The following CDH13 variants were observed in gnomAD, a reference collection of about 807,000 sequenced individuals.
CDH13 encodes the protein cadherin-13.
In CDH13, 24 loss-of-function variants were observed where a neutral mutation model predicts 63.8. The ratio of observed to expected loss-of-function variants is 0.38; its 90% confidence interval spans 0.27 to 0.53. The LOEUF is 0.53. Among genes scored for constraint, CDH13 ranks in the 20% least tolerant of loss-of-function variants. The probability of loss-of-function intolerance (pLI) is 0.85; values close to 1 mark genes in which losing one functional copy is unlikely to be tolerated. For synonymous variants in CDH13, 503 were observed against 355.3 expected (o/e 1.42, Z -4.67); for missense variants, 1,049 against 903.1 (o/e 1.16, Z -2.07).
At chr16:83,015,190 G>C (rs1364734851) in intron 2 of CDH13, among the ~76,000 whole-genome samples, 1 of 151,662 alleles carries the variant, frequency 6.6e-6, no homozygotes, top group East Asian at 1.9e-4. Context: ...GATAGTAACA[G>C]GCTGCATCTC....
At chr16:83,380,112 T>A (rs541661677) in intron 6 of CDH13, among the ~76,000 whole-genome samples, 1 of 151,990 alleles carries the variant, frequency 6.6e-6, no homozygotes, top group Non-Finnish European at 1.5e-5. Flanking sequence ...ACATTGGTAT[T>A]CTTGCGTGAG....
intron 1 of CDH13, among the ~76,000 whole-genome samples, chr16:82,659,498 A>G (rs1177751265): frequency 6.6e-6 from 1 of 152,202 alleles, no homozygotes; most frequent in African/African-American, 2.4e-5. Flanking sequence ...AAATTGGAAC[A>G]AAAAATAACG....
intron 2 of CDH13, among the ~76,000 whole-genome samples, chr16:82,968,215 G>C (rs377750039): frequency 6.6e-6 from 1 of 152,234 alleles, no homozygotes; most frequent in African/African-American, 2.4e-5. Context: ...TCCACCGTTT[G>C]TCCAGTGGGA....
chr16:83,378,535 TG>T (rs1226899398), intron 6 of CDH13, among the ~76,000 whole-genome samples: 8 of 152,152 alleles, frequency 5.3e-5, no homozygotes, highest in African/African-American at 1.9e-4. Flanking sequence ...TACCTTCAGG[TG>T]GGATGCAACT....
At chr16:82,898,250 C>T (rs920804395) in intron 2 of CDH13, among the ~76,000 whole-genome samples, 2 of 152,230 alleles carry the variant, frequency 1.3e-5, no homozygotes, top group African/African-American at 2.4e-5. Context: ...CATGGCCGGG[C>T]GTGGTGGCTC....
At chr16:83,663,319 C>T (rs1469319404) in intron 8 of CDH13, among the ~76,000 whole-genome samples, 2 of 152,128 alleles carry the variant, frequency 1.3e-5, no homozygotes, top group African/African-American at 2.4e-5. Context: ...ATTATGCAGG[C>T]ACCCTGAGCT....
chr16:83,310,239 A>G (rs2089970153), intron 5 of CDH13, among the ~76,000 whole-genome samples: 1 of 152,172 alleles, frequency 6.6e-6, no homozygotes, highest in Non-Finnish European at 1.5e-5. Flanking sequence ...TTCCCTGTCA[A>G]ATTAGGTAAA....
At chr16:83,219,610 G>C (rs2039637766) in intron 5 of CDH13, among the ~76,000 whole-genome samples, 1 of 152,166 alleles carries the variant, frequency 6.6e-6, no homozygotes, top group South Asian at 2.1e-4. Flanking sequence ...GGTGAAGGAA[G>C]GTAAGTGAAA....
chr16:82,717,945 T>G (rs1235553357), intron 1 of CDH13, among the ~76,000 whole-genome samples: 1 of 152,174 alleles, frequency 6.6e-6, no homozygotes, highest in East Asian at 1.9e-4. Context: ...GAAAATAAGA[T>G]ACTACTGCGA....
At chr16:83,635,329 T>G (rs34634550) in intron 8 of CDH13, among the ~76,000 whole-genome samples, 2 of 129,802 alleles carry the variant, frequency 1.5e-5, no homozygotes, top group Non-Finnish European at 3.2e-5. Flanking sequence ...GCCCATTTTC[T>G]TTCTTTTTTT....
rs533281359 is a variant in CDH13, at chr16:83,112,215, G to A, written c.367-13170G>A. Among the ~76,000 whole-genome samples, 3 of 152,162 alleles carry A rather than the reference G, an allele frequency of 2.0e-5. No homozygotes were observed. In the East Asian group the frequency reaches 5.8e-4, roughly 29 times the overall value. On this transcript the variant is annotated intron_variant, in intron 3 of 13. Coordinates refer to ENST00000567109, the MANE Select transcript of CDH13 (RefSeq NM_001257.5). ...CACACATGCAACCATTGTGTATTTG[G>A]TCTATGTATCAGTTAGGGCAGGCTA...
At chr16:83,781,369 C>T (rs1052820902) in intron 12 of CDH13, among the ~76,000 whole-genome samples, 12 of 152,220 alleles carry the variant, frequency 7.9e-5, no homozygotes, top group Admixed American at 6.5e-4. Flanking sequence ...CAATAATATA[C>T]TTATCCTGCT....
intron 1 of CDH13, among the ~76,000 whole-genome samples, chr16:82,764,453 G>C (rs1176781973): frequency 6.6e-6 from 1 of 152,220 alleles, no homozygotes; most frequent in Non-Finnish European, 1.5e-5. Flanking sequence ...GTTCAGAAGA[G>C]GGAAGAGGTT....
chr16:83,671,044 C>A, intron 9 of CDH13, 72 bp downstream of exon 9: 3 of 1,332,468 alleles, frequency 2.3e-6, no homozygotes, highest in Non-Finnish European at 3.1e-6. Flanking sequence ...CTCATAGAAT[C>A]ATTGAGTTTA....
intron 4 of CDH13, among the ~76,000 whole-genome samples, chr16:83,215,844 A>C (rs563647832): frequency 2.6e-4 from 40 of 152,182 alleles, no homozygotes; most frequent in Non-Finnish European, 5.3e-4. Flanking sequence ...ATGACCTTTC[A>C]ATTGTTTTGT....
chr16:83,289,696 C>G (rs1376615215), intron 5 of CDH13, among the ~76,000 whole-genome samples: 1 of 152,058 alleles, frequency 6.6e-6, no homozygotes, highest in East Asian at 1.9e-4. Context: ...TTATCAGCTG[C>G]TTGGGCTTGG....
At chr16:83,451,462 A>G (rs1340296997) in intron 6 of CDH13, among the ~76,000 whole-genome samples, 1 of 152,192 alleles carries the variant, frequency 6.6e-6, no homozygotes, top group Non-Finnish European at 1.5e-5. Flanking sequence ...TGTGGGAGCT[A>G]CAATTCAAGA....
At chr16:83,785,897 C>G (rs1293884661) in intron 13 of CDH13, among the ~76,000 whole-genome samples, 1 of 152,122 alleles carries the variant, frequency 6.6e-6, no homozygotes, top group Non-Finnish European at 1.5e-5. Context: ...GGTACAGGCT[C>G]CTGGACATTC....
At chr16:83,503,824 T>A (rs2074338120) in intron 7 of CDH13, among the ~76,000 whole-genome samples, 1 of 152,300 alleles carries the variant, frequency 6.6e-6, no homozygotes. Flanking sequence ...TGCAAAAATT[T>A]TCTCCCATTC....
Sources: allele counts gnomAD v4.1 joint callset (sites outside exome capture counted in the v4.1 genomes callset), GRCh38; gene constraint gnomAD v4.1.1; transcripts MANE v1.5; gene names NCBI Gene and HGNC (gene_info 2026-07-23, HGNC 2026-07-21).